TMED6: variants seen among roughly 807,000 people sequenced by gnomAD.
TMED6 encodes transmembrane emp24 domain-containing protein 6.
A neutral mutation model predicts 26.5 loss-of-function variants in TMED6; 17 were observed. The ratio of observed to expected loss-of-function variants is 0.64; its 90% CI spans 0.44 to 0.96. The LOEUF is 0.96. Among genes scored for constraint, TMED6 ranks in the 40% least tolerant of loss-of-function variants. The pLI, the probability that TMED6 is intolerant of heterozygous loss-of-function variation, is 0.00. For missense variants in TMED6, 309 were observed against 296.5 expected (o/e 1.04, Z -0.31); for synonymous variants, 107 against 106.2 (o/e 1.01, Z -0.04).
intron 1 of TMED6, among the ~76,000 whole-genome samples, chr16:69,350,981 T>C (rs1410299728): frequency 6.6e-6 from 1 of 151,944 alleles, no homozygotes; most frequent in Non-Finnish European, 1.5e-5. Flanking sequence ...TATAAGACCA[T>C]AGTATGGGTA....
chr16:69,345,662 G>A (rs766794970), intron 3 of TMED6, among the ~76,000 whole-genome samples: 11 of 114,160 alleles, frequency 9.6e-5, no homozygotes, highest in African/African-American at 2.8e-4. Context: ...CAGCCTGGAC[G>A]ACAGACTGAC....
Position 69,351,646 on chromosome 16 carries a change from G to T in TMED6, c.108C>A (p.Phe36Leu), listed in dbSNP as rs1387544197. The T allele has an allele frequency of 1.9e-6, 3 of 1,614,042 alleles. No homozygotes were observed. The highest frequency in any genetic ancestry group is 2.5e-6 in the Non-Finnish European group (3 of 1,180,020). Residue 36 changes from phenylalanine (F) to leucine (L), a missense_variant, in exon 1 of 4, where the codon TTC becomes TTA. Phe to Leu is a conservative substitution (Grantham distance 22, BLOSUM62 0). Transcript: ENST00000288025. ...CAAAGTCATATCGATCAGCTCCACG[G>T]AAGAGTGGCTGGTCCCCAGAGCCAC... ...PLSGSGDQPLFRGADRYDFAI... is the reference protein window; with the variant it reads ...PLSGSGDQPLLRGADRYDFAI...
chr16:69,351,655 C>T lies in TMED6; in HGVS notation c.99G>A (p.Gln33=), dbSNP rs758311087. 1.2e-6 allele frequency: 2 copies of T among 1,614,058 alleles called. No individual in the cohort carries two copies. The highest frequency in any genetic ancestry group is 1.7e-6 in the Non-Finnish European group (2 of 1,180,022). ...KTEPLSGSGD[Q]PLFRGADRYD... ...ATCGATCAGCTCCACGGAAGAGTGG[C>T]TGGTCCCCAGAGCCACTTAGAGGTT... Residue 33 remains glutamine, a synonymous_variant, in exon 1 of 4, where the codon CAG becomes CAA. Coordinates refer to ENST00000288025, the MANE Select transcript of TMED6 (RefSeq NM_144676.4).
rs757826080 is a variant in TMED6, at chr16:69,343,558, AAGTC to A, written c.568_571del (p.Asp190PhefsTer11). ...GTTATAGTTTGATTGGATAAGGAAA[AAGTC>A]AGCCATTTTCCTCATCCGGGCAAAG... is the stretch of plus-strand genomic sequence containing the variant. On this transcript the variant is annotated frameshift_variant, in exon 4 of 4. Coordinates refer to ENST00000288025, the MANE Select transcript of TMED6 (RefSeq NM_144676.4). LOFTEE classifies it high-confidence loss of function. 71 of 1,614,154 alleles carry A rather than the reference AAGTC, an allele frequency of 4.4e-5. No homozygotes were observed. The highest frequency in any genetic ancestry group is 2.3e-4 in the South Asian group (21 of 91,076).
chr16:69,350,518 T>G (rs1332341552), intron 1 of TMED6, among the ~76,000 whole-genome samples: 1 of 152,082 alleles, frequency 6.6e-6, no homozygotes, highest in Admixed American at 6.5e-5. Flanking sequence ...CAAGGTGGTC[T>G]CGAACTCCTG....
chr16:69,349,585 A>G lies in TMED6; in HGVS notation c.280T>C (p.Phe94Leu). Reference protein sequence around the residue: ...VAATAHNPQGFLIDTSQGVRG... With the variant: ...VAATAHNPQGLLIDTSQGVRG... ...ACACCCTGGGAGGTGTCTATGAGAAATCCCTGTGGGTTATGTGCCGTGGCA... is the reference window on the plus strand; with the variant it reads ...ACACCCTGGGAGGTGTCTATGAGAAGTCCCTGTGGGTTATGTGCCGTGGCA... The change falls in exon 2 of 4, where the codon TTT (phenylalanine) becomes CTT (leucine). Residue 94 changes from phenylalanine to leucine, a missense_variant. By Grantham distance (22) the Phe-to-Leu change is conservative. Transcript: ENST00000288025. The G allele has an allele frequency of 6.2e-7, 1 of 1,613,982 alleles. No homozygotes were observed.
chr16:69,349,577 T>C lies in TMED6; in HGVS notation c.288A>G (p.Ile96Met), dbSNP rs1366288256. Residue 96 changes from isoleucine (I) to methionine (M), a missense_variant, in exon 2 of 4, where the codon ATA (isoleucine) becomes ATG (methionine). By Grantham distance (10) the Ile-to-Met change is conservative. Coordinates refer to ENST00000288025, the MANE Select transcript of TMED6 (RefSeq NM_144676.4). The part of the protein sequence containing the change: ...ATAHNPQGFL[I>M]DTSQGVRGQI... ...GGCCCCGAACACCCTGGGAGGTGTC[T>C]ATGAGAAATCCCTGTGGGTTATGTG... 4 of 1,613,962 alleles carry C rather than the reference T, an allele frequency of 2.5e-6. No homozygotes were observed. The East Asian group carries it at 6.7e-5, about 27-fold the overall frequency.
intron 3 of TMED6, among the ~76,000 whole-genome samples, chr16:69,346,363 G>T (rs1418045434): frequency 6.6e-6 from 1 of 152,166 alleles, no homozygotes. Context: ...CTGATGAATG[G>T]ATAAATAAAA....
At position 69,343,569 on chromosome 16, in the gene TMED6, T is replaced by C. The variant is rs2012621595; in HGVS notation, c.561A>G (p.Lys187=). The C allele has an allele frequency of 1.1e-5, 18 of 1,614,176 alleles. No homozygotes were observed. Among genetic ancestry groups the C allele is most frequent in the Non-Finnish European group, 1.5e-5 (18 of 1,180,042 alleles). ...WRYYNFARMR[K]MADFFLIQSN... ...ATTGGATAAGGAAAAAGTCAGCCAT[T>C]TTCCTCATCCGGGCAAAGTTGTAGT... Residue 187 remains lysine (K), a synonymous_variant, in exon 4 of 4, where the codon AAA becomes AAG. Transcript: ENST00000288025.
At chr16:69,348,053 A>T in intron 2 of TMED6, 117 bp from the exon 3 acceptor site, 2 of 1,071,264 alleles carry the variant, frequency 1.9e-6, no homozygotes, top group Non-Finnish European at 2.7e-6. Flanking sequence ...CTTTTTACTT[A>T]GAAAGTACAA....
In TMED6 at chr16:69,349,605, G is replaced by C. The variant is rs751564484; in HGVS notation, c.260C>G (p.Thr87Arg). The change falls in exon 2 of 4, where the codon ACG (threonine) becomes AGG (arginine). Residue 87 changes from threonine (T) to arginine (R), a missense_variant. Physicochemically the swap from Thr to Arg is moderately conservative, Grantham distance 71 (BLOSUM62 -1). Transcript: ENST00000288025. ...GAGAAATCCCTGTGGGTTATGTGCC[G>C]TGGCAGCAACATGCCGGTCATGTGA... is the stretch of plus-strand genomic sequence containing the variant. ...GMSHDRHVAA[T>R]AHNPQGFLID... The C allele has an allele frequency of 6.2e-7, 1 of 1,613,992 alleles. No homozygotes were observed. Among genetic ancestry groups the C allele is most frequent in the Non-Finnish European group, 8.5e-7 (1 of 1,179,950 alleles).
At chr16:69,348,372 C>A (rs946622003) in intron 2 of TMED6, 1 of 162,224 alleles carries the variant, frequency 6.2e-6, no homozygotes, top group African/African-American at 2.4e-5. Context: ...AAGCAGCTCT[C>A]CTGGAGTGAT....
rs901747500 is a variant in TMED6, at chr16:69,345,998, C to T, written c.489+1790G>A. 1.7e-4 allele frequency among the ~76,000 whole-genome samples: 26 copies of T among 152,252 alleles called. 1 individual carries two copies. The highest frequency in any genetic ancestry group is 8.3e-4 in the South Asian group (4 of 4,826). ...CCTGGCCTAAAATGGGCAAAGGACT[C>T]GAACAGACATTTCTCCAAAGAAGAG... On this transcript the variant is annotated intron_variant, in intron 3 of 3. Coordinates refer to ENST00000288025, the MANE Select transcript of TMED6 (RefSeq NM_144676.4).
rs1413303187 is a variant in TMED6, at chr16:69,343,323, A to T, written c.*84T>A. 2.5e-6 allele frequency: 3 copies of T among 1,201,450 alleles called. No individual in the cohort carries two copies. The highest frequency in any genetic ancestry group is 3.5e-6 in the Non-Finnish European group (3 of 856,408). The allele number at this position is 1,201,450 out of a possible 1,614,324, so 74.4% of individuals were successfully genotyped here. ...CAGCAGACTAAAACATTAATGAGAT[A>T]ATTGATTTTTGTCCCATAACATTAC... is the stretch of plus-strand genomic sequence containing the variant. On this transcript the variant is annotated 3_prime_UTR_variant, in exon 4 of 4. Transcript: ENST00000288025.
chr16:69,344,906 T>C (rs774488734), intron 3 of TMED6, among the ~76,000 whole-genome samples: 5 of 150,784 alleles, frequency 3.3e-5, no homozygotes, highest in Non-Finnish European at 7.4e-5. Context: ...CTGGCCAACA[T>C]AGTGATACCC....
chr16:69,343,447 T>C lies in TMED6; in HGVS notation c.683A>G (p.Asn228Ser), dbSNP rs145591428. 1.4e-3 allele frequency: 2,225 copies of C among 1,614,098 alleles called. No individual in the cohort carries two copies. The highest frequency in any genetic ancestry group is 1.7e-3 in the Non-Finnish European group (2,059 of 1,180,046). ...CTTTGTATCTGTAGTTGTTGGAACA[T>C]TGAAGAGACGCTTCAAGAAATACAG... ...LQLYFLKRLF[N>S]VPTTTDTKKP... is the part of the protein sequence containing the mutation. Residue 228 changes from asparagine to serine, a missense_variant, in exon 4 of 4, where the codon AAT becomes AGT. Physicochemically the swap from Asn to Ser is conservative, Grantham distance 46 (BLOSUM62 1). Coordinates refer to ENST00000288025, the MANE Select transcript of TMED6 (RefSeq NM_144676.4).
At chr16:69,347,736 A>G in intron 3 of TMED6, 52 bp downstream of exon 3, 1 of 1,605,148 alleles carries the variant, frequency 6.2e-7, no homozygotes, top group Non-Finnish European at 8.5e-7. Flanking sequence ...TTCCCTCTGA[A>G]GTTAAAAATC....
chr16:69,343,647 GA>G lies in TMED6; in HGVS notation c.490-8del, dbSNP rs751484773. The stretch of plus-strand genomic sequence containing the variant: ...GCACCTTTTGTGTGCCGTCCTATGA[GA>G]GAGACAATTTTAAGGGGGATTCTTC... On this transcript the variant is annotated splice_region_variant and splice_polypyrimidine_tract_variant and intron_variant, in intron 3 of 3. Coordinates refer to ENST00000288025, the MANE Select transcript of TMED6 (RefSeq NM_144676.4). The G allele has an allele frequency of 6.8e-6, 11 of 1,608,818 alleles. No individual in the cohort carries two copies. The Admixed American group carries it at 1.7e-4, about 24-fold the overall frequency.
Position 69,343,487 on chromosome 16 carries a change from AAAG to A in TMED6, c.640_642del (p.Leu214del). ...AAGAAATACAGTTGCAGGATCCCAG[AAAG>A]AATAATAACAAGGCTCTGGGCTGTC... On this transcript the variant is annotated inframe_deletion, in exon 4 of 4. Coordinates refer to ENST00000288025, the MANE Select transcript of TMED6 (RefSeq NM_144676.4). The A allele has an allele frequency of 6.2e-7, 1 of 1,614,212 alleles. No homozygotes were observed. Among genetic ancestry groups the A allele is most frequent in the Non-Finnish European group, 8.5e-7 (1 of 1,180,044 alleles).
Sources: gnomAD v4.1 joint callset for allele counts (sites outside exome capture counted in the v4.1 genomes callset) on GRCh38, gnomAD v4.1.1 for gene constraint, MANE v1.5 for transcripts, NCBI Gene and HGNC (gene_info 2026-07-23, HGNC 2026-07-21) for gene names.